The following GLYATL2 variants were observed in gnomAD, a reference collection of about 807,000 sequenced individuals.
GLYATL2 encodes glycine-N-acyltransferase like 2.
Under a neutral mutation model 21.4 loss-of-function variants are expected in GLYATL2, and 25 were observed. The observed-to-expected ratio is 1.17, with a 90% confidence interval of 0.85 to 1.63. The LOEUF (loss-of-function observed/expected upper bound fraction) is 1.63, where lower values mean the gene tolerates loss of function less well. GLYATL2 is among the 40% of genes most tolerant of loss of function. The pLI is 0.00. For synonymous variants in GLYATL2, 114 were observed against 118.2 expected (o/e 0.96, Z 0.23); for missense variants, 361 against 343.3 (o/e 1.05, Z -0.41).
At chr11:58,908,490 G>T, upstream of GLYATL2, 1 of 209,296 alleles carries the variant, frequency 4.8e-6, no homozygotes, top group South Asian at 9.6e-5. Flanking sequence ...AGACTGAAGG[G>T]AACAAGTCAT....
chr11:58,874,495 T>C (rs1481489467), intron 1 of GLYATL2, among the ~76,000 whole-genome samples: 2 of 152,234 alleles, frequency 1.3e-5, no homozygotes, highest in Non-Finnish European at 2.9e-5. Context: ...TGTGTCTTTG[T>C]TCTCATTGGT....
intron 5 of GLYATL2, among the ~76,000 whole-genome samples, chr11:58,835,940 G>T (rs185973217): frequency 6.6e-6 from 1 of 152,288 alleles, no homozygotes; most frequent in African/African-American, 2.4e-5. Context: ...GATTTGAAGA[G>T]TGTTGACTTT....
chr11:58,874,769 A>AT (rs1854194852), intron 1 of GLYATL2, among the ~76,000 whole-genome samples: 1 of 152,288 alleles, frequency 6.6e-6, no homozygotes, highest in Non-Finnish European at 1.5e-5. Flanking sequence ...TATTCTGTTG[A>AT]TTTTGGATGG....
rs765922383 is a variant in GLYATL2, at chr11:58,837,348, G to C, written c.236C>G (p.Thr79Ser). 3.7e-6 allele frequency: 6 copies of C among 1,613,684 alleles called. No homozygotes were observed. In the South Asian group the frequency reaches 6.6e-5, roughly 18 times the overall value. The change falls in exon 4 of 6, where the codon ACC becomes AGC. Residue 79 changes from threonine (T) to serine (S), a missense_variant. Thr to Ser is a moderately conservative substitution (Grantham distance 58). Transcript: ENST00000287275. ...DHYTNTYHIF[T>S]KAPDKLEEVL... ...TTCCTCTAATTTGTCAGGAGCTTTGGTGAAGATGTGGTAAGTGTTGGTATA... is the reference window on the plus strand; with the variant it reads ...TTCCTCTAATTTGTCAGGAGCTTTGCTGAAGATGTGGTAAGTGTTGGTATA...
chr11:58,844,126 T>G (rs2134580090), intron 1 of GLYATL2, among the ~76,000 whole-genome samples: 1 of 152,206 alleles, frequency 6.6e-6, no homozygotes, highest in East Asian at 1.9e-4. Context: ...GCTAACAGTA[T>G]TACTATGGAG....
chr11:58,838,130 C>A, intron 3 of GLYATL2, 131 bp downstream of exon 3: 1 of 599,252 alleles, frequency 1.7e-6, no homozygotes. Context: ...TCCCAAACAG[C>A]CCTTCCAAAA....
intron 1 of GLYATL2, among the ~76,000 whole-genome samples, chr11:58,850,275 T>C (rs971988378): frequency 3.2e-4 from 49 of 152,098 alleles, no homozygotes; most frequent in African/African-American, 1.2e-3. Flanking sequence ...TCCCAGTTTG[T>C]TCAGAGGTTT....
chr11:58,876,603 G>A (rs555675111), intron 1 of GLYATL2, among the ~76,000 whole-genome samples: 18 of 152,254 alleles, frequency 1.2e-4, no homozygotes, highest in Non-Finnish European at 1.6e-4. Context: ...GCAGAACAGC[G>A]GATATTAGTG....
rs115275702 is a variant in GLYATL2, at chr11:58,899,147, A to G, written n.60+5009T>C. On this transcript the variant is annotated intron_variant and non_coding_transcript_variant, in intron 1 of 4. Coordinates refer to the GLYATL2 transcript ENST00000533636. Reference sequence around the variant, plus strand: ...GCTAATAAGAAGTGGATGACTAGCGATGAGGGCTTCAGGTTGAGATTAACA... The same window carrying G: ...GCTAATAAGAAGTGGATGACTAGCGGTGAGGGCTTCAGGTTGAGATTAACA... Among the ~76,000 whole-genome samples, 521 of 152,308 alleles carry G rather than the reference A, an allele frequency of 3.4e-3. 1 individual carries two copies. The highest frequency in any genetic ancestry group is 0.012 in the African/African-American group (497 of 41,576).
At chr11:58,860,674 G>A (rs1418567448) in intron 1 of GLYATL2, among the ~76,000 whole-genome samples, 3 of 152,008 alleles carry the variant, frequency 2.0e-5, no homozygotes, top group Non-Finnish European at 4.4e-5. Flanking sequence ...TCCTTGCCTT[G>A]TCCTTAATCT....
upstream of GLYATL2, among the ~76,000 whole-genome samples, chr11:58,846,747 A>T (rs531011436): frequency 2.3e-4 from 35 of 152,264 alleles, no homozygotes; most frequent in African/African-American, 7.2e-4. Flanking sequence ...AGTAAACGTG[A>T]AAGGCAGTGT....
intron 1 of GLYATL2, among the ~76,000 whole-genome samples, chr11:58,841,045 AAT>A (rs1222433658): frequency 1.3e-5 from 2 of 152,134 alleles, no homozygotes; most frequent in East Asian, 3.9e-4. Flanking sequence ...CACGGCTGAC[AAT>A]ATATATAAAT....
intron 1 of GLYATL2, chr11:58,840,752 T>C (rs899548581): frequency 6.6e-6 from 1 of 151,686 alleles, no homozygotes; most frequent in South Asian, 2.1e-4. Flanking sequence ...GGCAGGAGAA[T>C]TGCTTGAACC....
At chr11:58,846,345 A>G (rs957144019), upstream of GLYATL2, among the ~76,000 whole-genome samples, 1 of 151,986 alleles carries the variant, frequency 6.6e-6, no homozygotes, top group African/African-American at 2.4e-5. Context: ...AACTACACAG[A>G]AAAAAATACC....
intron 1 of GLYATL2, among the ~76,000 whole-genome samples, chr11:58,883,489 C>T (rs1369902557): frequency 1.3e-5 from 2 of 152,122 alleles, no homozygotes; most frequent in African/African-American, 4.8e-5. Flanking sequence ...AATTCCTGGA[C>T]ACATACACCC....
intron 1 of GLYATL2, among the ~76,000 whole-genome samples, chr11:58,880,047 A>G (rs1271763682): frequency 6.6e-6 from 1 of 151,672 alleles, no homozygotes; most frequent in Non-Finnish European, 1.5e-5. Context: ...TTTAGTAGAG[A>G]CGGGGTTTCA....
chr11:58,874,171 T>C (rs1252121722), intron 1 of GLYATL2, among the ~76,000 whole-genome samples: 1 of 152,146 alleles, frequency 6.6e-6, no homozygotes, highest in Non-Finnish European at 1.5e-5. Context: ...TCTATTTGAT[T>C]CTCCTCTCTT....
upstream of GLYATL2, among the ~76,000 whole-genome samples, chr11:58,908,874 T>C (rs1239677222): frequency 1.3e-5 from 2 of 152,228 alleles, no homozygotes; most frequent in African/African-American, 2.4e-5. Flanking sequence ...TGTTCCATCA[T>C]TTGAATTATC....
chr11:58,906,028 C>A (rs1356043399), upstream of GLYATL2, among the ~76,000 whole-genome samples: 2 of 152,324 alleles, frequency 1.3e-5, no homozygotes, highest in East Asian at 3.9e-4. Context: ...CTTAGACAGG[C>A]AAGAGAGAAG....
Sources: allele counts gnomAD v4.1 joint callset (sites outside exome capture counted in the v4.1 genomes callset), GRCh38; gene constraint gnomAD v4.1.1; transcripts MANE v1.5; gene names NCBI Gene and HGNC (gene_info 2026-07-23, HGNC 2026-07-21).